Variants in PCDHA12 observed in about 807,000 individuals in gnomAD.
The protein encoded by PCDHA12 is protocadherin alpha-12.
Under a neutral mutation model 60.0 loss-of-function variants are expected in PCDHA12, and 44 were observed. The observed-to-expected ratio is 0.73, with a 90% CI of 0.58 to 0.94. PCDHA12 has a LOEUF of 0.94. Ranked by LOEUF, PCDHA12 falls within the 40% of genes least tolerant of loss-of-function variation. PCDHA12 has a pLI of 0.00. For missense variants in PCDHA12, 1,276 were observed against 1,239.7 expected (o/e 1.03, Z -0.44); for synonymous variants, 569 against 553.0 (o/e 1.03, Z -0.40).
chr5:141,009,712 C>T lies in PCDHA12; in HGVS notation c.2601C>T (p.Pro867=). The T allele has an allele frequency of 1.2e-6, 2 of 1,614,156 alleles. No individual in the cohort carries two copies. Among genetic ancestry groups the T allele is most frequent in the African/African-American group, 1.3e-5 (1 of 75,034 alleles). ...CCTTTAAATACGGACCAGGCAACCC[C>T]AAACAATCCGGTCCCGGTGAGTTGC... is the stretch of plus-strand genomic sequence containing the variant. ...SWTFKYGPGN[P]KQSGPGELPD... is the part of the protein sequence containing the mutation. The change falls in exon 4 of 4, where the codon CCC becomes CCT. Residue 867 remains proline (P), a synonymous_variant. Transcript: ENST00000398631.
In PCDHA12 at chr5:140,896,536, C is replaced by CTTT. The variant is rs34213614; in HGVS notation, c.2367+18707_2367+18709dup. 9.4e-4 allele frequency among the ~76,000 whole-genome samples: 137 copies of CTTT among 145,660 alleles called. 1 individual carries two copies. Among genetic ancestry groups the CTTT allele is most frequent in the East Asian group, 2.8e-3 (14 of 5,008 alleles). On this transcript the variant is annotated intron_variant, in intron 1 of 3. Coordinates refer to ENST00000398631, the MANE Select transcript of PCDHA12 (RefSeq NM_018903.4). ...CACACCACAAAGCCCAGCTATTTTT[C>CTTT]TTTTTTTTTTTTGTATTTTAAGTAG... is the stretch of plus-strand genomic sequence containing the variant.
intron 1 of PCDHA12, among the ~76,000 whole-genome samples, chr5:140,904,951 T>C (rs1468765932): frequency 6.6e-6 from 1 of 152,188 alleles, no homozygotes; most frequent in Non-Finnish European, 1.5e-5. Context: ...GTCCTTTGTC[T>C]GATGCAGAAT....
rs1396431858 is a variant in PCDHA12, at chr5:141,010,083, T to C, written c.*146T>C. The C allele has an allele frequency of 1.9e-6, 3 of 1,612,132 alleles. No homozygotes were observed. The African/African-American group carries it at 4.0e-5, about 22-fold the overall frequency. On this transcript the variant is annotated 3_prime_UTR_variant, in exon 4 of 4. Coordinates refer to ENST00000398631, the MANE Select transcript of PCDHA12 (RefSeq NM_018903.4). Reference sequence around the variant, plus strand: ...CTGCAGAAAGTTCCCTGTGTCTGTCTAGAACGCATTTAACAGGTTTTGTCG... The same window carrying C: ...CTGCAGAAAGTTCCCTGTGTCTGTCCAGAACGCATTTAACAGGTTTTGTCG...
At chr5:140,905,298 T>A (rs1171619023) in intron 1 of PCDHA12, among the ~76,000 whole-genome samples, 2 of 152,218 alleles carry the variant, frequency 1.3e-5, no homozygotes, top group African/African-American at 2.4e-5. Context: ...TAAGGTGTCC[T>A]TTCCACACTT....
chr5:140,927,685 A>G lies in PCDHA12; in HGVS notation c.2367+49846A>G, dbSNP rs782137754. 2.5e-6 allele frequency: 4 copies of G among 1,614,092 alleles called. No individual in the cohort carries two copies. In the African/African-American group the frequency reaches 4.0e-5, roughly 16 times the overall value. ...AGCCTTGGATCCAGATGAAGGGTCC[A>G]ATGGGGAAGTCCAGTACTCCCTAAG... is the stretch of plus-strand genomic sequence containing the variant. On this transcript the variant is annotated intron_variant, in intron 1 of 3. Transcript: ENST00000398631.
chr5:140,913,117 GT>G (rs1393810466), intron 1 of PCDHA12, among the ~76,000 whole-genome samples: 23 of 152,262 alleles, frequency 1.5e-4, no homozygotes, highest in Admixed American at 5.2e-4. Flanking sequence ...CAGTTTGGAA[GT>G]TAACCCCTCC....
chr5:140,947,905 G>C (rs181055131), intron 1 of PCDHA12, among the ~76,000 whole-genome samples: 1 of 151,610 alleles, frequency 6.6e-6, no homozygotes, highest in East Asian at 1.9e-4. Flanking sequence ...GGTGAGAGCA[G>C]ACATTCTTGC....
At chr5:140,959,506 A>G (rs1554224114) in intron 1 of PCDHA12, among the ~76,000 whole-genome samples, 6 of 152,226 alleles carry the variant, frequency 3.9e-5, no homozygotes. Flanking sequence ...AAACTAAAAA[A>G]TTTTAAGATC....
At chr5:140,969,145 C>T (rs782791096) in intron 1 of PCDHA12, 1 of 1,614,168 alleles carries the variant, frequency 6.2e-7, no homozygotes, top group South Asian at 1.1e-5. Context: ...CCTACTGCTA[C>T]AAGGCCTGTC....
At chr5:140,906,162 G>A (rs1421474866) in intron 1 of PCDHA12, among the ~76,000 whole-genome samples, 1 of 152,064 alleles carries the variant, frequency 6.6e-6, no homozygotes, top group Non-Finnish European at 1.5e-5. Flanking sequence ...GACACACCCA[G>A]GAACAATACT....
chr5:140,992,465 C>G (rs1554252929), intron 3 of PCDHA12, among the ~76,000 whole-genome samples: 2 of 152,162 alleles, frequency 1.3e-5, no homozygotes. Flanking sequence ...GGACAGTACT[C>G]TTTAGATCAC....
In PCDHA12 at chr5:141,011,225, A is replaced by G. The variant is rs962544716; in HGVS notation, c.*1288A>G. ...ATACAGTGAGCAGATTTTTCAATCT[A>G]CTAATTCTGTGACTTGTCTTGGTGT... On this transcript the variant is annotated 3_prime_UTR_variant, in exon 4 of 4. Transcript: ENST00000398631. 6.5e-6 allele frequency: 1 copy of G among 153,740 alleles called. No homozygotes were observed. Among genetic ancestry groups the G allele is most frequent in the South Asian group, 2.1e-4 (1 of 4,826 alleles). The allele number at this position is 153,740 out of a possible 1,614,324, so 9.5% of individuals were successfully genotyped here.
At chr5:140,938,507 C>T (rs2092094259) in intron 1 of PCDHA12, among the ~76,000 whole-genome samples, 1 of 151,846 alleles carries the variant, frequency 6.6e-6, no homozygotes, top group Admixed American at 6.6e-5. Flanking sequence ...GAATTTATCA[C>T]ATATTTTCTG....
intron 1 of PCDHA12, among the ~76,000 whole-genome samples, chr5:140,947,169 G>GTA (rs1235035694): frequency 1.3e-5 from 2 of 150,968 alleles, no homozygotes; most frequent in Non-Finnish European, 3.0e-5. Context: ...AGAAAATGTG[G>GTA]TATATATTCA....
intron 1 of PCDHA12, chr5:140,967,630 C>T (rs1278035224): frequency 3.7e-6 from 6 of 1,613,982 alleles, no homozygotes; most frequent in Non-Finnish European, 5.1e-6. Context: ...ATGAGGGCTC[C>T]AATGGTGAGC....
intron 1 of PCDHA12, among the ~76,000 whole-genome samples, chr5:140,941,026 C>T (rs1330663914): frequency 6.6e-6 from 1 of 152,066 alleles, no homozygotes; most frequent in Admixed American, 6.5e-5. Flanking sequence ...TTCCTTCTGG[C>T]CTTTTTGGTG....
intron 1 of PCDHA12, chr5:140,883,145 T>C (rs2059462627): frequency 6.2e-7 from 1 of 1,613,988 alleles, no homozygotes; most frequent in Admixed American, 1.7e-5. Context: ...GGTATATGCA[T>C]TTACCATAAA....
chr5:141,000,421 A>ATTTTTTTT (rs34755515), intron 3 of PCDHA12, among the ~76,000 whole-genome samples: 2 of 27,968 alleles, frequency 7.2e-5, no homozygotes, highest in Admixed American at 6.5e-4. Context: ...ATATATATAT[A>ATTTTTTTT]TTTTTTTTTT....
intron 1 of PCDHA12, among the ~76,000 whole-genome samples, chr5:140,941,983 A>G (rs2093212614): frequency 6.6e-6 from 1 of 152,198 alleles, no homozygotes; most frequent in Non-Finnish European, 1.5e-5. Context: ...CTAAACCTTG[A>G]TAAGGGATTC....
Sources: allele counts gnomAD v4.1 joint callset (sites outside exome capture counted in the v4.1 genomes callset), GRCh38; gene constraint gnomAD v4.1.1; transcripts MANE v1.5; gene names NCBI Gene and HGNC (gene_info 2026-07-23, HGNC 2026-07-21).